The following KCNN3 variants were observed in gnomAD, a reference collection of about 807,000 sequenced individuals.
KCNN3 encodes small conductance calcium-activated potassium channel protein 3.
KCNN3 carries 16 observed loss-of-function variants against 62.9 expected under a neutral mutation model. That is an observed-to-expected ratio of 0.25 (90% CI 0.17 to 0.39). The LOEUF (loss-of-function observed/expected upper bound fraction) is 0.39, where lower values mean the gene tolerates loss of function less well. KCNN3 is among the 10% of genes least tolerant of loss of function. The pLI, the probability that KCNN3 is intolerant of heterozygous loss-of-function variation, is 1.00. For synonymous variants in KCNN3, 370 were observed against 389.2 expected, an observed-to-expected ratio of 0.95 and a Z score of 0.58; for missense variants, 599 against 949.4, an observed-to-expected ratio of 0.63 and a Z score of 4.85.
At chr1:154,789,701 G>A (rs1389584132) in intron 2 of KCNN3, among the ~76,000 whole-genome samples, 5 of 152,082 alleles carry the variant, frequency 3.3e-5, no homozygotes, top group Non-Finnish European at 7.4e-5. Context: ...GGGCCTTGGG[G>A]GATTCCGAAG....
intron 1 of KCNN3, among the ~76,000 whole-genome samples, chr1:154,846,462 C>T (rs571699901): frequency 8.5e-5 from 13 of 152,320 alleles, no homozygotes; most frequent in African/African-American, 2.6e-4. Context: ...GTCTGCCCCC[C>T]GGGAGGAGGA....
chr1:154,842,404 G>A (rs1211964235), intron 1 of KCNN3, among the ~76,000 whole-genome samples: 1 of 152,146 alleles, frequency 6.6e-6, no homozygotes, highest in African/African-American at 2.4e-5. Context: ...GAGGAGAGGG[G>A]CCCTGGGGCA....
intron 3 of KCNN3, among the ~76,000 whole-genome samples, chr1:154,751,794 C>T (rs572000545): frequency 2.6e-5 from 4 of 152,280 alleles, no homozygotes; most frequent in East Asian, 3.9e-4. Flanking sequence ...GCTTGTTACA[C>T]GTTGCCAGGC....
At chr1:154,791,304 C>G (rs1190642642) in intron 2 of KCNN3, among the ~76,000 whole-genome samples, 1 of 126,818 alleles carries the variant, frequency 7.9e-6, no homozygotes, top group African/African-American at 3.0e-5. Context: ...TTTTTTTTCT[C>G]AAAAAGACTG....
chr1:154,778,200 G>T lies in KCNN3; in HGVS notation c.1030-5807C>A, dbSNP rs546559621. On this transcript the variant is annotated intron_variant, in intron 2 of 7. Coordinates refer to ENST00000271915, the MANE Select transcript of KCNN3 (RefSeq NM_002249.6). ...GTTAGTATAATTCTGAGAGCTCTGG[G>T]AGGGAGATTTTATGCAACAGTGATT... Among the ~76,000 whole-genome samples, 18 of 152,292 alleles carry T rather than the reference G, an allele frequency of 1.2e-4. No homozygotes were observed. The South Asian group carries it at 1.4e-3, about 12-fold the overall frequency.
chr1:154,790,510 T>C (rs148030343), intron 2 of KCNN3, among the ~76,000 whole-genome samples: 64 of 152,304 alleles, frequency 4.2e-4, no homozygotes, highest in African/African-American at 1.4e-3. Context: ...ATTGAATATC[T>C]CATGTGATTT....
chr1:154,844,466 G>A (rs969050356), intron 1 of KCNN3, among the ~76,000 whole-genome samples: 2 of 152,170 alleles, frequency 1.3e-5, no homozygotes, highest in Non-Finnish European at 2.9e-5. Flanking sequence ...CGGGCATCGC[G>A]CCGGTCACAC....
chr1:154,810,505 A>G (rs1650360801), intron 2 of KCNN3, among the ~76,000 whole-genome samples: 1 of 152,130 alleles, frequency 6.6e-6, no homozygotes, highest in African/African-American at 2.4e-5. Context: ...CCCAGTTCTG[A>G]TGGCTGGGCA....
chr1:154,813,258 A>T (rs796675046), intron 2 of KCNN3, among the ~76,000 whole-genome samples: 1 of 124,636 alleles, frequency 8.0e-6, no homozygotes, highest in Non-Finnish European at 1.6e-5. Flanking sequence ...TCAGCTGCCC[A>T]TGCTGGGACT....
chr1:154,744,787 T>C (rs1024230837), intron 3 of KCNN3, among the ~76,000 whole-genome samples: 6 of 152,120 alleles, frequency 3.9e-5, no homozygotes, highest in African/African-American at 1.4e-4. Context: ...ATGAGTTCCT[T>C]TAGTTTAGGA....
chr1:154,752,041 G>A (rs1647403094), intron 3 of KCNN3, among the ~76,000 whole-genome samples: 1 of 152,232 alleles, frequency 6.6e-6, no homozygotes, highest in Non-Finnish European at 1.5e-5. Flanking sequence ...ACAGAGAGAG[G>A]AGGCATGGAG....
chr1:154,826,062 CAAAAACAAAAACAA>C (rs1184758301), intron 1 of KCNN3, among the ~76,000 whole-genome samples: 38 of 129,280 alleles, frequency 2.9e-4, no homozygotes, highest in South Asian at 4.8e-4. Flanking sequence ...AAAACAAAAA[CAAAAACAAAAACAA>C]AAACAAAAAC....
intron 4 of KCNN3, among the ~76,000 whole-genome samples, chr1:154,731,460 A>G (rs1001654121): frequency 1.3e-5 from 2 of 152,302 alleles, no homozygotes; most frequent in African/African-American, 4.8e-5. Flanking sequence ...CAGCAGGCTG[A>G]CTGCCCCAAG....
At chr1:154,791,844 C>A (rs1179131923) in intron 2 of KCNN3, among the ~76,000 whole-genome samples, 6 of 152,194 alleles carry the variant, frequency 3.9e-5, no homozygotes, top group African/African-American at 4.8e-5. Flanking sequence ...GAAGGAAAAA[C>A]CAAACCTCCT....
chr1:154,707,671 A>T lies in KCNN3; in HGVS notation c.*305T>A. On this transcript the variant is annotated 3_prime_UTR_variant, in exon 8 of 8. Transcript: ENST00000271915. ...GCATCTGACCCCCACCCCCCGCGTG[A>T]AGACCTGAGATTGAGCGTGGATTTC... 1 of 288,434 alleles carries T rather than the reference A, an allele frequency of 3.5e-6. No individual in the cohort carries two copies. The highest frequency in any genetic ancestry group is 6.5e-6 in the Non-Finnish European group (1 of 153,888). 17.9% of individuals were successfully genotyped at this position (288,434 alleles called of 1,614,324 possible). A position where few individuals can be genotyped will look rare whatever the true frequency, so the allele number is the denominator to read the frequency against.
Position 154,702,313 on chromosome 1 carries a change from T to G in KCNN3, c.*5663A>C, listed in dbSNP as rs1375081423. ...GTTAATTGAAAGTTACAATATATTT[T>G]ATAATATATCAATATATTTCATATT... On this transcript the variant is annotated 3_prime_UTR_variant, in exon 8 of 8. Transcript: ENST00000271915. 1 of 152,042 alleles carries G rather than the reference T, an allele frequency of 6.6e-6. No individual in the cohort carries two copies. The highest frequency in any genetic ancestry group is 1.5e-5 in the Non-Finnish European group (1 of 68,026). 9.4% of individuals were successfully genotyped at this position (152,042 alleles called of 1,614,324 possible).
chr1:154,733,236 A>AT, intron 3 of KCNN3, 92 bp from the exon 4 acceptor site: 4 of 1,371,478 alleles, frequency 2.9e-6, no homozygotes, highest in Non-Finnish European at 4.2e-6. Context: ...GAAATGAGAT[A>AT]TTTTGCTGAG....
At chr1:154,763,107 A>G (rs1254339592) in intron 3 of KCNN3, among the ~76,000 whole-genome samples, 1 of 152,196 alleles carries the variant, frequency 6.6e-6, no homozygotes, top group Non-Finnish European at 1.5e-5. Context: ...TCTTTCAAAA[A>G]AAGTTAAGCT....
chr1:154,749,193 G>A (rs747040306), intron 3 of KCNN3, among the ~76,000 whole-genome samples: 8 of 152,188 alleles, frequency 5.3e-5, no homozygotes, highest in African/African-American at 1.9e-4. Context: ...CATAGGTTGC[G>A]CACTGTGCAA....
Sources: allele counts gnomAD v4.1 joint callset (sites outside exome capture counted in the v4.1 genomes callset), GRCh38; gene constraint gnomAD v4.1.1; transcripts MANE v1.5; gene names NCBI Gene and HGNC (gene_info 2026-07-23, HGNC 2026-07-21).